LINGO2: variants seen among roughly 807,000 people sequenced by gnomAD.
LINGO2 encodes leucine rich repeat and Ig domain containing 2.
LINGO2 carries 14 observed loss-of-function variants against 30.6 expected under a neutral mutation model. That is an observed-to-expected ratio of 0.46 (90% CI 0.30 to 0.72). The LOEUF is 0.72. Ranked by LOEUF, LINGO2 falls within the 30% of genes least tolerant of loss-of-function variation. LINGO2 has a pLI of 0.07. For missense variants in LINGO2, 729 were observed against 751.7 expected, an observed-to-expected ratio of 0.97 and a Z score of 0.35; for synonymous variants, 317 against 288.5, an observed-to-expected ratio of 1.10 and a Z score of -1.00.
At chr9:28,553,960 T>C (rs947533071) in intron 1 of LINGO2, among the ~76,000 whole-genome samples, 1 of 152,018 alleles carries the variant, frequency 6.6e-6, no homozygotes, top group Admixed American at 6.6e-5. Context: ...AGAGATTTTG[T>C]CACCACCAGG....
At chr9:28,554,318 T>C (rs1478263947) in intron 1 of LINGO2, among the ~76,000 whole-genome samples, 8 of 148,466 alleles carry the variant, frequency 5.4e-5, no homozygotes, top group Non-Finnish European at 1.0e-4. Context: ...ACCAAGCCAA[T>C]GGAAAACAAA....
chr9:28,570,178 T>A (rs574290924), intron 1 of LINGO2, among the ~76,000 whole-genome samples: 1 of 152,102 alleles, frequency 6.6e-6, no homozygotes, highest in South Asian at 2.1e-4. Flanking sequence ...TAGTACAACA[T>A]AATGATAGAT....
intron 4 of LINGO2, among the ~76,000 whole-genome samples, chr9:28,251,128 C>T (rs998770323): frequency 2.6e-5 from 4 of 152,172 alleles, no homozygotes; most frequent in Admixed American, 2.0e-4. Context: ...TTGCTTAGAA[C>T]ATTTACTTTA....
chr9:28,625,466 T>C (rs933790436), intron 1 of LINGO2, among the ~76,000 whole-genome samples: 6 of 152,130 alleles, frequency 3.9e-5, no homozygotes, highest in African/African-American at 1.4e-4. Context: ...ACCTGATTTT[T>C]GGTTGCTATG....
chr9:28,043,148 T>C (rs897677694), intron 4 of LINGO2, among the ~76,000 whole-genome samples: 1 of 152,048 alleles, frequency 6.6e-6, no homozygotes, highest in Admixed American at 6.6e-5. Context: ...AGGTAGAAGA[T>C]GTCAGTGTGT....
In LINGO2 at chr9:28,512,648, T is replaced by TAC. The variant is rs1157745484; in HGVS notation, c.-364-36625_-364-36624dup. ...ATATATATATATATACACACATACA[T>TAC]ACACACACACACACATATGGATATC... On this transcript the variant is annotated intron_variant, in intron 1 of 5. Transcript: ENST00000379992. Among the ~76,000 whole-genome samples the TAC allele has an allele frequency of 8.5e-3, 785 of 92,030 alleles. 18 individuals are homozygous for TAC. The highest frequency in any genetic ancestry group is 0.013 in the Non-Finnish European group (615 of 46,998). 60.4% of individuals were successfully genotyped at this position (92,030 alleles called of 152,430 possible).
chr9:28,859,222 G>T, the LINGO2 span, among the ~76,000 whole-genome samples: 2 of 152,020 alleles, frequency 1.3e-5, no homozygotes, highest in Admixed American at 1.3e-4. Context: ...AAATTGCAGA[G>T]ATTTAGTTTA....
intron 1 of LINGO2, among the ~76,000 whole-genome samples, chr9:28,494,275 T>C (rs1819500371): frequency 6.6e-6 from 1 of 152,132 alleles, no homozygotes; most frequent in Non-Finnish European, 1.5e-5. Flanking sequence ...CTTGCAGGTT[T>C]GTTACATACG....
At chr9:28,479,573 GAAATA>G (rs1564227751) in intron 1 of LINGO2, among the ~76,000 whole-genome samples, 1 of 151,634 alleles carries the variant, frequency 6.6e-6, no homozygotes, top group African/African-American at 2.4e-5. Flanking sequence ...TTGAAAGAAT[GAAATA>G]AAATAAGTAG....
intron 1 of LINGO2, among the ~76,000 whole-genome samples, chr9:28,537,595 T>A (rs1413674287): frequency 1.3e-5 from 2 of 150,864 alleles, no homozygotes; most frequent in Non-Finnish European, 3.0e-5. Context: ...GGAAGGCCAA[T>A]TAGAAAGAGA....
intron 1 of LINGO2, among the ~76,000 whole-genome samples, chr9:28,658,263 G>A (rs753362094): frequency 6.6e-5 from 10 of 151,924 alleles, no homozygotes; most frequent in Admixed American, 1.3e-4. Context: ...AAGTCACATT[G>A]GTGTATACAG....
the LINGO2 span, among the ~76,000 whole-genome samples, chr9:28,833,032 T>C: frequency 6.6e-6 from 1 of 152,162 alleles, no homozygotes; most frequent in Non-Finnish European, 1.5e-5. Context: ...GTGAACAGTT[T>C]TTTCACATTG....
chr9:28,582,735 C>A (rs1204342696), intron 1 of LINGO2, among the ~76,000 whole-genome samples: 1 of 152,106 alleles, frequency 6.6e-6, no homozygotes, highest in East Asian at 1.9e-4. Flanking sequence ...TTTTGCCTTA[C>A]AAACGCAGCT....
At chr9:28,930,546 G>T in the LINGO2 span, among the ~76,000 whole-genome samples, 3 of 152,254 alleles carry the variant, frequency 2.0e-5, no homozygotes, top group East Asian at 3.9e-4. The surrounding 1 kb of genome is among the most constrained non-coding windows in gnomAD (Gnocchi z 4.2). Flanking sequence ...GAACTTCAAG[G>T]GACCTGAATT....
intron 2 of LINGO2, among the ~76,000 whole-genome samples, chr9:28,452,819 A>G (rs934108901): frequency 4.6e-5 from 7 of 151,876 alleles, no homozygotes; most frequent in African/African-American, 1.7e-4. Context: ...GTAAGAGCCC[A>G]GAGGTGTGGA....
chr9:29,062,927 C>CAAAGGGAAGAGG, the LINGO2 span, among the ~76,000 whole-genome samples: 2 of 152,120 alleles, frequency 1.3e-5, no homozygotes, highest in African/African-American at 4.8e-5. Context: ...ATCTCACTCC[C>CAAAGGGAAGAGG]TGACCTGGAG....
At chr9:29,157,322 CTG>C in the LINGO2 span, among the ~76,000 whole-genome samples, 1 of 152,178 alleles carries the variant, frequency 6.6e-6, no homozygotes, top group Non-Finnish European at 1.5e-5. Context: ...TATAAAAACA[CTG>C]TTCTGTATAG....
chr9:28,373,808 G>A (rs1444578057), intron 2 of LINGO2, among the ~76,000 whole-genome samples: 2 of 151,408 alleles, frequency 1.3e-5, no homozygotes, highest in Non-Finnish European at 2.9e-5. Flanking sequence ...GCTGAGGCAG[G>A]AGAATTGCTT....
chr9:28,365,235 G>A (rs75118242), intron 3 of LINGO2, among the ~76,000 whole-genome samples: 11 of 152,210 alleles, frequency 7.2e-5, no homozygotes, highest in East Asian at 1.9e-4. Flanking sequence ...TAGAGGGAAC[G>A]TGAAGAATTT....
Sources: allele counts gnomAD v4.1 joint callset (sites outside exome capture counted in the v4.1 genomes callset), GRCh38; gene constraint gnomAD v4.1.1; non-coding constraint Gnocchi (gnomAD v3.1); transcripts MANE v1.5; gene names NCBI Gene and HGNC (gene_info 2026-07-23, HGNC 2026-07-21).